Variants in NBAS observed in about 807,000 individuals in gnomAD.
NBAS encodes the protein NBAS subunit of NRZ tethering complex.
A neutral mutation model predicts 302.5 loss-of-function variants in NBAS; 219 were observed. That is an observed-to-expected ratio of 0.72 (90% confidence interval 0.65 to 0.81). The LOEUF is 0.81. NBAS is among the 30% of genes least tolerant of loss of function. The pLI is 0.00. For synonymous variants in NBAS, 1,118 were observed against 1,021.6 expected, an observed-to-expected ratio of 1.09 and a Z score of -1.80; for missense variants, 2,932 against 2,841.6, an observed-to-expected ratio of 1.03 and a Z score of -0.72.
At chr2:15,512,198 T>G (rs1662176286) in intron 9 of NBAS, among the ~76,000 whole-genome samples, 1 of 152,140 alleles carries the variant, frequency 6.6e-6, no homozygotes, top group Non-Finnish European at 1.5e-5. Context: ...TTATTTAGAG[T>G]TGGCATATCA....
the NBAS span, among the ~76,000 whole-genome samples, chr2:15,084,222 C>A: frequency 6.6e-6 from 1 of 151,714 alleles, no homozygotes; most frequent in Non-Finnish European, 1.5e-5. Flanking sequence ...TGTATGCCTG[C>A]CTAATTTTTT....
the NBAS span, among the ~76,000 whole-genome samples, chr2:14,827,662 C>G: frequency 6.6e-6 from 1 of 152,162 alleles, no homozygotes; most frequent in Admixed American, 6.5e-5. Flanking sequence ...ATAGATGAAT[C>G]TAGAGAACAT....
At chr2:15,509,083 C>T (rs1187663077) in intron 10 of NBAS, among the ~76,000 whole-genome samples, 1 of 152,154 alleles carries the variant, frequency 6.6e-6, no homozygotes, top group Admixed American at 6.5e-5. Context: ...GAGATAAACA[C>T]AGCTAAATTC....
chr2:15,107,910 T>C, the NBAS span, among the ~76,000 whole-genome samples: 1 of 152,140 alleles, frequency 6.6e-6, no homozygotes, highest in East Asian at 1.9e-4. Context: ...GATTGGTCAT[T>C]CCTAGCGTTT....
intron 12 of NBAS, among the ~76,000 whole-genome samples, chr2:15,482,030 G>T (rs1240964080): frequency 6.6e-6 from 1 of 152,202 alleles, no homozygotes; most frequent in Non-Finnish European, 1.5e-5. Flanking sequence ...TTCCCCTTCA[G>T]TCTATCACCA....
intron 43 of NBAS, among the ~76,000 whole-genome samples, 192 bp downstream of exon 43, chr2:15,276,658 AC>A (rs1669595053): frequency 6.6e-6 from 1 of 152,228 alleles, no homozygotes; most frequent in Non-Finnish European, 1.5e-5. Context: ...TAGGTTTCTT[AC>A]TTTTTCTGGT....
At chr2:14,973,421 T>G in the NBAS span, among the ~76,000 whole-genome samples, 1 of 152,244 alleles carries the variant, frequency 6.6e-6, no homozygotes, top group Non-Finnish European at 1.5e-5. Flanking sequence ...ATTGATTTAA[T>G]TTTTTAAAAG....
At chr2:15,276,397 A>C (rs1669584899) in intron 43 of NBAS, among the ~76,000 whole-genome samples, 1 of 152,248 alleles carries the variant, frequency 6.6e-6, no homozygotes, top group Non-Finnish European at 1.5e-5. Context: ...AGTTATGAGC[A>C]TAAAGACCAT....
At chr2:15,005,931 T>C in the NBAS span, among the ~76,000 whole-genome samples, 1 of 152,188 alleles carries the variant, frequency 6.6e-6, no homozygotes, top group Admixed American at 6.5e-5. Context: ...GTATTGCTTT[T>C]AGGAGTAATT....
At chr2:15,180,830 T>C (rs1434047074) in intron 50 of NBAS, among the ~76,000 whole-genome samples, 1 of 152,220 alleles carries the variant, frequency 6.6e-6, no homozygotes, top group Non-Finnish European at 1.5e-5. Flanking sequence ...GGTGCTGGAC[T>C]CTCACACCTC....
Position 15,227,808 on chromosome 2 carries a change from A to G in NBAS, c.6236+4614T>C, listed in dbSNP as rs77095491. Among the ~76,000 whole-genome samples the G allele has an allele frequency of 2.7e-3, 408 of 152,320 alleles. 3 individuals carry two copies. Among genetic ancestry groups the G allele is most frequent in the African/African-American group, 9.4e-3 (390 of 41,578 alleles). ...CGAAAAAGAATGAAACTGGACTTCT[A>G]TCTCTCACCATATATTACAAATATC... On this transcript the variant is annotated intron_variant, in intron 47 of 51. Coordinates refer to ENST00000281513, the MANE Select transcript of NBAS (RefSeq NM_015909.4).
chr2:15,175,561 T>C (rs1664498873), intron 51 of NBAS, among the ~76,000 whole-genome samples: 1 of 152,138 alleles, frequency 6.6e-6, no homozygotes, highest in Admixed American at 6.5e-5. Flanking sequence ...TTAGAGAGAA[T>C]ACGGTTTTGA....
intron 34 of NBAS, 133 bp downstream of exon 34, chr2:15,353,420 A>G (rs188040438): frequency 9.0e-7 from 1 of 1,116,194 alleles, no homozygotes; most frequent in East Asian, 2.4e-5. Flanking sequence ...CCTTTTCCAT[A>G]AGTGACAATC....
At chr2:15,508,475 C>A (rs189132580) in intron 10 of NBAS, among the ~76,000 whole-genome samples, 1 of 152,218 alleles carries the variant, frequency 6.6e-6, no homozygotes, top group Non-Finnish European at 1.5e-5. Context: ...TACCCACGTT[C>A]TCTCCTTATA....
intron 32 of NBAS, among the ~76,000 whole-genome samples, chr2:15,358,521 T>C (rs1673737673): frequency 6.6e-6 from 1 of 152,184 alleles, no homozygotes; most frequent in South Asian, 2.1e-4. Context: ...CACTGCTCAC[T>C]GCAACCTCGA....
At chr2:15,246,789 G>A (rs185378303) in intron 44 of NBAS, among the ~76,000 whole-genome samples, 106 of 152,360 alleles carry the variant, frequency 7.0e-4, no homozygotes, top group African/African-American at 2.5e-3. Flanking sequence ...TGCACACCGT[G>A]CATCTGCCTT....
intron 9 of NBAS, among the ~76,000 whole-genome samples, chr2:15,530,855 T>A (rs1663180420): frequency 6.6e-6 from 1 of 151,524 alleles, no homozygotes; most frequent in Non-Finnish European, 1.5e-5. Flanking sequence ...CTACGCCAAG[T>A]CATAACATGG....
the NBAS span, among the ~76,000 whole-genome samples, chr2:14,915,589 G>A: frequency 2.4e-4 from 37 of 152,174 alleles, no homozygotes; most frequent in Admixed American, 2.4e-3. Context: ...TTGAGACAGA[G>A]TCTTGTTCTG....
chr2:15,526,489 C>T (rs1662920676), intron 9 of NBAS, among the ~76,000 whole-genome samples: 1 of 152,006 alleles, frequency 6.6e-6, no homozygotes, highest in South Asian at 2.1e-4. Context: ...GGATGATAAA[C>T]ATCACAGGCC....
Sources: allele counts gnomAD v4.1 joint callset (sites outside exome capture counted in the v4.1 genomes callset), GRCh38; gene constraint gnomAD v4.1.1; transcripts MANE v1.5; gene names NCBI Gene and HGNC (gene_info 2026-07-23, HGNC 2026-07-21).